ADAMTSL1: variants seen among roughly 807,000 people sequenced by gnomAD.
ADAMTSL1 encodes ADAMTS-like protein 1.
In ADAMTSL1, 126 loss-of-function variants were observed where a neutral mutation model predicts 201.8. That is an observed-to-expected ratio of 0.62 (90% CI 0.54 to 0.72). ADAMTSL1 has a LOEUF of 0.72. Among genes scored for constraint, ADAMTSL1 ranks in the 30% least tolerant of loss-of-function variants. The pLI is 0.00. For missense variants in ADAMTSL1, 2,679 were observed against 2,277.8 expected (o/e 1.18, Z -3.59); for synonymous variants, 1,121 against 903.4 (o/e 1.24, Z -4.32).
intron 2 of ADAMTSL1, among the ~76,000 whole-genome samples, chr9:18,437,455 A>G (rs1351533763): frequency 6.6e-6 from 1 of 151,994 alleles, no homozygotes; most frequent in Non-Finnish European, 1.5e-5. Context: ...TCTGTTTTGC[A>G]CAATGCTTAA....
chr9:18,288,731 G>T (rs1017462101), intron 2 of ADAMTSL1, among the ~76,000 whole-genome samples: 1 of 152,224 alleles, frequency 6.6e-6, no homozygotes, highest in African/African-American at 2.4e-5. Context: ...CTCTAGAAAG[G>T]ATTCACAAAA....
At chr9:18,281,660 A>G (rs752242851) in intron 2 of ADAMTSL1, among the ~76,000 whole-genome samples, 50 of 152,212 alleles carry the variant, frequency 3.3e-4, no homozygotes, top group Non-Finnish European at 1.3e-4. Context: ...ACAACACTGG[A>G]TGAACGCCTC....
chr9:17,960,873 T>C (rs1341266723), intron 1 of ADAMTSL1, among the ~76,000 whole-genome samples: 3 of 152,194 alleles, frequency 2.0e-5, no homozygotes, highest in Non-Finnish European at 4.4e-5. Context: ...GAACAGTAAC[T>C]ATGTCAGGTC....
intron 3 of ADAMTSL1, among the ~76,000 whole-genome samples, chr9:18,553,157 T>C (rs1376688905): frequency 3.3e-5 from 5 of 151,424 alleles, no homozygotes; most frequent in East Asian, 1.9e-4. Context: ...CTAGTTGGCC[T>C]GCTTTTCCAA....
In ADAMTSL1 at chr9:18,040,443, A is replaced by C. The variant is rs149909617; in HGVS notation, c.88-123419A>C. The stretch of plus-strand genomic sequence containing the variant: ...TTTTCAACTAGTTGGGCTGTGGCTC[A>C]TGCATGCAAGGTGCATAAAACCTTC... On this transcript the variant is annotated intron_variant, in intron 1 of 29. Transcript: ENST00000680146. 3.9e-3 allele frequency among the ~76,000 whole-genome samples: 601 copies of C among 152,316 alleles called. 3 individuals are homozygous for C. Among genetic ancestry groups the C allele is most frequent in the African/African-American group, 0.013 (555 of 41,582 alleles).
chr9:18,381,998 C>G (rs753404450), intron 2 of ADAMTSL1, among the ~76,000 whole-genome samples: 3 of 152,112 alleles, frequency 2.0e-5, no homozygotes, highest in African/African-American at 7.2e-5. Flanking sequence ...TTTTCCTGTA[C>G]TACATCTTGG....
chr9:18,698,349 T>TCTCGGCTCACTGCAAC (rs1387166311), intron 13 of ADAMTSL1, among the ~76,000 whole-genome samples: 1 of 152,142 alleles, frequency 6.6e-6, no homozygotes, highest in Non-Finnish European at 1.5e-5. Context: ...GGCATGATGA[T>TCTCGGCTCACTGCAAC]CTCGGCTCAC....
intron 3 of ADAMTSL1, among the ~76,000 whole-genome samples, chr9:18,555,657 C>G (rs1430297818): frequency 6.6e-6 from 1 of 151,920 alleles, no homozygotes; most frequent in Non-Finnish European, 1.5e-5. Flanking sequence ...GGAGTTGCCT[C>G]ACACAGGCTG....
At chr9:18,172,318 A>G (rs1313744233) in intron 2 of ADAMTSL1, among the ~76,000 whole-genome samples, 2 of 152,108 alleles carry the variant, frequency 1.3e-5, no homozygotes, top group African/African-American at 4.8e-5. Context: ...AAAGATGAAC[A>G]GCCCAATAGA....
chr9:18,600,689 G>C (rs1216669338), intron 4 of ADAMTSL1, among the ~76,000 whole-genome samples: 1 of 149,420 alleles, frequency 6.7e-6, no homozygotes, highest in African/African-American at 2.4e-5. Context: ...CCATTCTCCT[G>C]AGTAAAAGGA....
intron 1 of ADAMTSL1, among the ~76,000 whole-genome samples, chr9:18,024,732 T>G (rs998521191): frequency 3.3e-5 from 5 of 152,120 alleles, no homozygotes; most frequent in African/African-American, 7.2e-5. Flanking sequence ...AACGTACGAG[T>G]ACGTGTGTCT....
At chr9:18,191,795 C>T (rs896475995) in intron 2 of ADAMTSL1, among the ~76,000 whole-genome samples, 1 of 152,118 alleles carries the variant, frequency 6.6e-6, no homozygotes, top group Non-Finnish European at 1.5e-5. Flanking sequence ...ACTTGTCTTA[C>T]TTTATTTCTC....
intron 2 of ADAMTSL1, among the ~76,000 whole-genome samples, chr9:18,285,496 T>C (rs1222943507): frequency 6.6e-6 from 1 of 152,112 alleles, no homozygotes; most frequent in African/African-American, 2.4e-5. Context: ...GTTTATTAGT[T>C]TCTAGTGTGT....
chr9:18,827,162 T>TAA (rs5896812), intron 22 of ADAMTSL1, among the ~76,000 whole-genome samples: 6,668 of 143,058 alleles, frequency 0.047, 486 homozygotes, highest in African/African-American at 0.16. Flanking sequence ...GAGATAAAGT[T>TAA]AAAAAAAAAA....
intron 2 of ADAMTSL1, among the ~76,000 whole-genome samples, chr9:18,340,556 G>T (rs913164289): frequency 1.6e-4 from 24 of 152,012 alleles, no homozygotes; most frequent in Admixed American, 5.2e-4. Context: ...GATATGTTTT[G>T]TCTCTGTCTC....
At chr9:18,731,492 A>G (rs1436655311) in intron 15 of ADAMTSL1, among the ~76,000 whole-genome samples, 6 of 152,058 alleles carry the variant, frequency 3.9e-5, no homozygotes, top group Non-Finnish European at 8.8e-5. Flanking sequence ...TTAGCCGGCC[A>G]CAGTGGCATG....
intron 2 of ADAMTSL1, among the ~76,000 whole-genome samples, chr9:18,456,331 G>A: frequency 6.6e-6 from 1 of 152,190 alleles, no homozygotes; most frequent in East Asian, 1.9e-4. Context: ...TGGCTCCCAT[G>A]CAGCCTCCTC....
chr9:18,111,169 C>G (rs1824989993), intron 1 of ADAMTSL1, among the ~76,000 whole-genome samples: 2 of 152,158 alleles, frequency 1.3e-5, no homozygotes, highest in Non-Finnish European at 2.9e-5. Context: ...CCTCTTGGGT[C>G]AGGGCTAAGT....
chr9:18,733,057 C>G lies in ADAMTSL1; in HGVS notation c.2006+11392C>G, dbSNP rs537928391. ...GAACAAGGTATATTTAATTCCAAAG[C>G]AGTTACTGAGAACCTGAGGCTGTCT... On this transcript the variant is annotated intron_variant, in intron 15 of 28. Transcript: ENST00000380548. 3.9e-5 allele frequency among the ~76,000 whole-genome samples: 6 copies of G among 152,298 alleles called. No homozygotes were observed. The East Asian group carries it at 1.2e-3, about 29-fold the overall frequency.
Sources: allele counts gnomAD v4.1 joint callset (sites outside exome capture counted in the v4.1 genomes callset), GRCh38; gene constraint gnomAD v4.1.1; transcripts MANE v1.5; gene names NCBI Gene and HGNC (gene_info 2026-07-23, HGNC 2026-07-21).